Variants in ZNF385D observed in about 807,000 individuals in gnomAD.
ZNF385D encodes zinc finger protein 659.
In ZNF385D, 15 loss-of-function variants were observed where a neutral mutation model predicts 35.8. That is an observed-to-expected ratio of 0.42 (90% CI 0.28 to 0.64). The LOEUF (loss-of-function observed/expected upper bound fraction) is 0.64. Among genes scored for constraint, ZNF385D ranks in the 30% least tolerant of loss-of-function variants. The pLI, the probability that ZNF385D is intolerant of heterozygous loss-of-function variation, is 0.23. For missense variants in ZNF385D, 474 were observed against 494.6 expected (o/e 0.96, Z 0.39); for synonymous variants, 212 against 186.8 (o/e 1.13, Z -1.10).
At chr3:21,750,776 C>T (rs572848497) in intron 1 of ZNF385D, 119 bp downstream of exon 1, 2 of 1,289,870 alleles carry the variant, frequency 1.6e-6, no homozygotes, top group East Asian at 2.4e-5. Flanking sequence ...CTCCAGTTGC[C>T]AACTGGAGGT....
chr3:22,042,687 G>T (rs1395253992), intron 3 of ZNF385D, among the ~76,000 whole-genome samples: 1 of 152,130 alleles, frequency 6.6e-6, no homozygotes, highest in African/African-American at 2.4e-5. Flanking sequence ...AGGATCAAAA[G>T]TCTGAGTCTT....
At chr3:21,540,886 G>A (rs2062158152) in intron 3 of ZNF385D, among the ~76,000 whole-genome samples, 1 of 152,074 alleles carries the variant, frequency 6.6e-6, no homozygotes, top group South Asian at 2.1e-4. Flanking sequence ...CACGAGGTAA[G>A]ACTTCCCCAA....
intron 2 of ZNF385D, among the ~76,000 whole-genome samples, chr3:21,596,361 G>A (rs536217236): frequency 7.9e-5 from 12 of 152,246 alleles, no homozygotes; most frequent in Middle Eastern, 3.4e-3. Flanking sequence ...TTATAAGAGT[G>A]AGAACTTACT....
intron 2 of ZNF385D, among the ~76,000 whole-genome samples, chr3:21,567,008 G>GTTGT (rs1251349517): frequency 3.9e-4 from 60 of 152,308 alleles, no homozygotes; most frequent in African/African-American, 1.4e-3. Flanking sequence ...ATTCATCCAT[G>GTTGT]TTGTTACATG....
chr3:22,106,669 T>C (rs1036359361), intron 3 of ZNF385D, among the ~76,000 whole-genome samples: 5 of 152,184 alleles, frequency 3.3e-5, no homozygotes, highest in African/African-American at 1.2e-4. Flanking sequence ...GCTGAAGGCC[T>C]GACCTCTTAC....
chr3:21,581,589 G>GTCAA (rs1431646106), intron 2 of ZNF385D, among the ~76,000 whole-genome samples: 7 of 152,128 alleles, frequency 4.6e-5, no homozygotes, highest in African/African-American at 7.2e-5. Context: ...CTAGTCGATT[G>GTCAA]TCAATCATTT....
At position 21,925,484 on chromosome 3, in the gene ZNF385D, G is replaced by A. The variant is rs141586828; in HGVS notation, c.325+243333C>T. ...AAAAATTAGCTCAAAATGAAACATG[G>A]ATTTAAATGCATAATTCAAAATTAC... On this transcript the variant is annotated intron_variant, in intron 3 of 5. Coordinates refer to the ZNF385D transcript ENST00000494108. Among the ~76,000 whole-genome samples the A allele has an allele frequency of 6.1e-3, 924 of 152,100 alleles. 8 individuals are homozygous for A. The highest frequency in any genetic ancestry group is 0.02 in the African/African-American group (842 of 41,500).
intron 3 of ZNF385D, among the ~76,000 whole-genome samples, chr3:22,163,400 T>C (rs1706099450): frequency 6.6e-6 from 1 of 152,188 alleles, no homozygotes; most frequent in Non-Finnish European, 1.5e-5. Context: ...TTAATTTATA[T>C]ACATCAGATA....
intron 3 of ZNF385D, among the ~76,000 whole-genome samples, chr3:22,136,138 C>G (rs1201099433): frequency 5.9e-5 from 9 of 152,164 alleles, no homozygotes; most frequent in Admixed American, 5.9e-4. Context: ...AATCCTAGCA[C>G]TTTGGGAGGC....
At chr3:22,284,465 C>T (rs894358987) in intron 2 of ZNF385D, among the ~76,000 whole-genome samples, 2 of 152,066 alleles carry the variant, frequency 1.3e-5, no homozygotes, top group Non-Finnish European at 2.9e-5. Flanking sequence ...GCTGGGATTA[C>T]AGGCATGAGC....
chr3:21,516,673 C>A (rs1559365894), intron 3 of ZNF385D, among the ~76,000 whole-genome samples: 1 of 152,176 alleles, frequency 6.6e-6, no homozygotes, highest in Admixed American at 6.5e-5. Flanking sequence ...TCAAAGTCAT[C>A]TCTTTGAGTC....
chr3:22,348,245 A>AAACC (rs1695748892), intron 2 of ZNF385D, among the ~76,000 whole-genome samples: 1 of 152,096 alleles, frequency 6.6e-6, no homozygotes, highest in Non-Finnish European at 1.5e-5. Context: ...TTGAAGTCCT[A>AAACC]AACCCATTAC....
At chr3:21,950,977 C>A (rs997368123) in intron 3 of ZNF385D, among the ~76,000 whole-genome samples, 3 of 151,620 alleles carry the variant, frequency 2.0e-5, no homozygotes, top group African/African-American at 4.9e-5. Flanking sequence ...AGTCAGGTAG[C>A]ATGATGCCTC....
intron 3 of ZNF385D, among the ~76,000 whole-genome samples, chr3:22,074,990 G>T (rs1700396200): frequency 6.6e-6 from 1 of 151,816 alleles, no homozygotes; most frequent in South Asian, 2.1e-4. Context: ...TAAAGTTTGA[G>T]AATCATATTT....
chr3:22,009,632 A>C (rs1322295060), intron 3 of ZNF385D, among the ~76,000 whole-genome samples: 1 of 58,904 alleles, frequency 1.7e-5, no homozygotes, highest in African/African-American at 1.7e-4. Flanking sequence ...CAAAAAAAAA[A>C]ATAAAAAAAA....
intron 2 of ZNF385D, among the ~76,000 whole-genome samples, chr3:22,342,161 C>CA (rs1248753382): frequency 6.6e-6 from 1 of 151,052 alleles, no homozygotes; most frequent in African/African-American, 2.4e-5. Context: ...CCTGTAGACC[C>CA]AGCTACTCGG....
intron 2 of ZNF385D, among the ~76,000 whole-genome samples, chr3:22,297,922 A>G (rs1559505523): frequency 6.6e-6 from 1 of 152,120 alleles, no homozygotes; most frequent in Non-Finnish European, 1.5e-5. Context: ...TTTAAAAATA[A>G]TCTCTGCATC....
In ZNF385D at chr3:21,925,943, T is replaced by G. The variant is rs73820439; in HGVS notation, c.325+242874A>C. Among the ~76,000 whole-genome samples, 914 of 152,280 alleles carry G rather than the reference T, an allele frequency of 6.0e-3. 6 individuals carry two copies. The highest frequency in any genetic ancestry group is 0.021 in the African/African-American group (873 of 41,556). On this transcript the variant is annotated intron_variant, in intron 3 of 5. Transcript: ENST00000494108. Reference sequence around the variant, plus strand: ...CCACACTGAGCTATTACTATGTAACTATCAGAATGGCTAAGTAAAAAAATA... The same window carrying G: ...CCACACTGAGCTATTACTATGTAACGATCAGAATGGCTAAGTAAAAAAATA...
rs1348112911 is a variant in ZNF385D at position 21,900,161 on chromosome 3, G to C, written c.326-235133C>G. ...GATATGCCAATTAAAACAACCATGA[G>C]ATACTTTCTATGTTTCAACAAAGAT... is the stretch of plus-strand genomic sequence containing the variant. On this transcript the variant is annotated intron_variant, in intron 3 of 5. Coordinates refer to the ZNF385D transcript ENST00000494108. Among the ~76,000 whole-genome samples the C allele has an allele frequency of 4.6e-5, 7 of 152,104 alleles. 1 individual carries two copies. The highest frequency in any genetic ancestry group is 1.3e-4 in the Admixed American group (2 of 15,248).
Sources: gnomAD v4.1 joint callset for allele counts (sites outside exome capture counted in the v4.1 genomes callset) on GRCh38, gnomAD v4.1.1 for gene constraint, MANE v1.5 for transcripts, NCBI Gene and HGNC (gene_info 2026-07-23, HGNC 2026-07-21) for gene names.